The following XKR4 variants were observed in gnomAD, a reference collection of about 807,000 sequenced individuals.
XKR4 encodes the protein XK related 4.
XKR4 carries 12 observed loss-of-function variants against 53.9 expected under a neutral mutation model. The observed-to-expected ratio is 0.22, with a 90% CI of 0.14 to 0.36. XKR4 has a LOEUF of 0.36. XKR4 is among the 10% of genes least tolerant of loss of function. The pLI, the probability that XKR4 is intolerant of heterozygous loss-of-function variation, is 1.00. For synonymous variants in XKR4, 354 were observed against 362.4 expected, an observed-to-expected ratio of 0.98 and a Z score of 0.26; for missense variants, 799 against 859.5, an observed-to-expected ratio of 0.93 and a Z score of 0.88.
Position 55,529,535 on chromosome 8 carries a change from A to G in XKR4, c.*5308A>G, listed in dbSNP as rs971360299. ...GAGCTGTATCTATGTGGTTTCATTTAGTCCTCACTGCCATCTGTGAGTTAA... is the reference window on the plus strand; with the variant it reads ...GAGCTGTATCTATGTGGTTTCATTTGGTCCTCACTGCCATCTGTGAGTTAA... On this transcript the variant is annotated 3_prime_UTR_variant, in exon 3 of 3. Transcript: ENST00000327381. 1 of 152,184 alleles carries G rather than the reference A, an allele frequency of 6.6e-6. No individual in the cohort carries two copies. Among genetic ancestry groups the G allele is most frequent in the Non-Finnish European group, 1.5e-5 (1 of 68,044 alleles). 9.4% of individuals were successfully genotyped at this position (152,184 alleles called of 1,614,324 possible). A position where few individuals can be genotyped will look rare whatever the true frequency, so the allele number is the denominator to read the frequency against.
At chr8:55,151,333 G>C (rs1816837277) in intron 1 of XKR4, among the ~76,000 whole-genome samples, 1 of 152,130 alleles carries the variant, frequency 6.6e-6, no homozygotes, top group Non-Finnish European at 1.5e-5. Flanking sequence ...TGAGGCTATG[G>C]GAAAAACAGC....
intron 2 of XKR4, among the ~76,000 whole-genome samples, chr8:55,446,992 G>A (rs1233059828): frequency 1.3e-5 from 2 of 150,994 alleles, no homozygotes; most frequent in Non-Finnish European, 2.9e-5. Flanking sequence ...CCCTAGAGAA[G>A]TAACTTAGTC....
chr8:55,118,242 T>C (rs931692571), intron 1 of XKR4, among the ~76,000 whole-genome samples: 4 of 152,212 alleles, frequency 2.6e-5, no homozygotes, highest in Admixed American at 1.3e-4. Context: ...ATTATTTCCA[T>C]TGGGAAATGC....
chr8:55,187,711 T>C (rs1263533715), intron 1 of XKR4, among the ~76,000 whole-genome samples: 1 of 152,234 alleles, frequency 6.6e-6, no homozygotes, highest in Non-Finnish European at 1.5e-5. Context: ...AGCTCATTGG[T>C]AATTCTATGT....
intron 2 of XKR4, among the ~76,000 whole-genome samples, chr8:55,442,070 A>C (rs1283121264): frequency 6.6e-6 from 1 of 152,086 alleles, no homozygotes; most frequent in Non-Finnish European, 1.5e-5. Flanking sequence ...TTCTTTGAAA[A>C]TAATAACAAA....
At chr8:55,512,342 C>A (rs935562080) in intron 2 of XKR4, among the ~76,000 whole-genome samples, 1 of 152,198 alleles carries the variant, frequency 6.6e-6, no homozygotes, top group African/African-American at 2.4e-5. Context: ...CAGGATGATA[C>A]CTGAGTCCCT....
intron 1 of XKR4, among the ~76,000 whole-genome samples, chr8:55,246,396 A>G (rs902655881): frequency 2.0e-5 from 3 of 152,196 alleles, no homozygotes; most frequent in East Asian, 1.9e-4. Context: ...TCACCAGTGT[A>G]TCACCAGCCA....
chr8:55,175,151 A>G (rs922720707), intron 1 of XKR4, among the ~76,000 whole-genome samples: 1 of 152,222 alleles, frequency 6.6e-6, no homozygotes, highest in African/African-American at 2.4e-5. Flanking sequence ...ATCATCATTC[A>G]CGTGAGATTT....
chr8:55,405,072 C>A (rs150086093), intron 2 of XKR4, among the ~76,000 whole-genome samples: 16 of 152,304 alleles, frequency 1.1e-4, no homozygotes, highest in African/African-American at 3.1e-4. Flanking sequence ...TTTAGACATT[C>A]TTTTAAAGTG....
rs533961135 is a variant in XKR4, at chr8:55,533,929, T to C, written c.*9702T>C. 1.5e-4 allele frequency: 23 copies of C among 152,208 alleles called. No homozygotes were observed. Among genetic ancestry groups the C allele is most frequent in the African/African-American group, 5.3e-4 (22 of 41,522 alleles). 9.4% of individuals were successfully genotyped at this position (152,208 alleles called of 1,614,324 possible). Reference sequence around the variant, plus strand: ...TATGAATATTCACCTGCTTCATTTGTTTTTTCCAGTAAACGCTGTTTTGAA... The same window carrying C: ...TATGAATATTCACCTGCTTCATTTGCTTTTTCCAGTAAACGCTGTTTTGAA... On this transcript the variant is annotated 3_prime_UTR_variant, in exon 3 of 3. Coordinates refer to ENST00000327381, the MANE Select transcript of XKR4 (RefSeq NM_052898.2).
intron 1 of XKR4, among the ~76,000 whole-genome samples, chr8:55,203,810 T>G (rs1240082931): frequency 1.3e-5 from 2 of 152,170 alleles, no homozygotes; most frequent in Non-Finnish European, 2.9e-5. Flanking sequence ...AAGGGGTTTC[T>G]GGCTCTCGGG....
At chr8:55,465,161 A>T (rs1805738608) in intron 2 of XKR4, among the ~76,000 whole-genome samples, 1 of 152,202 alleles carries the variant, frequency 6.6e-6, no homozygotes, top group African/African-American at 2.4e-5. Context: ...GGAACCAAAA[A>T]GAAGCCTGCA....
chr8:55,541,035 A>C lies in XKR4; in HGVS notation c.*16808A>C, dbSNP rs1027184431. 1.2e-4 allele frequency: 18 copies of C among 152,284 alleles called. No individual in the cohort carries two copies. The highest frequency in any genetic ancestry group is 3.4e-4 in the African/African-American group (14 of 41,550). 9.4% of individuals were successfully genotyped at this position (152,284 alleles called of 1,614,324 possible). ...ATTGCACAATATAAACCTGCTCCCA[A>C]ATGGCAAGGATTTTTGCTACCAATA... On this transcript the variant is annotated 3_prime_UTR_variant, in exon 3 of 3. Transcript: ENST00000327381.
intron 1 of XKR4, chr8:55,135,528 C>T (rs747153753): frequency 4.5e-6 from 2 of 446,044 alleles, no homozygotes; most frequent in African/African-American, 2.0e-5. Flanking sequence ...TCTTTTCCCT[C>T]AGTTGATGAC....
At chr8:55,493,000 G>A (rs1449950499) in intron 2 of XKR4, among the ~76,000 whole-genome samples, 2 of 152,182 alleles carry the variant, frequency 1.3e-5, no homozygotes, top group African/African-American at 4.8e-5. Context: ...CAGGGCAATT[G>A]TAACTATGCC....
chr8:55,390,581 T>C (rs2129388567), intron 2 of XKR4, among the ~76,000 whole-genome samples: 1 of 152,334 alleles, frequency 6.6e-6, no homozygotes. Flanking sequence ...AAGTTTAGAC[T>C]GTGGGCAGCA....
chr8:55,426,268 C>G (rs908491116), intron 2 of XKR4, among the ~76,000 whole-genome samples: 2 of 152,136 alleles, frequency 1.3e-5, no homozygotes, highest in Non-Finnish European at 2.9e-5. Flanking sequence ...CCTTTTCTCC[C>G]CACTGCCTTT....
intron 2 of XKR4, among the ~76,000 whole-genome samples, chr8:55,468,401 G>A (rs952468100): frequency 6.6e-6 from 1 of 151,976 alleles, no homozygotes; most frequent in Non-Finnish European, 1.5e-5. Flanking sequence ...AGAGTATTTA[G>A]TTTTAATCTT....
chr8:55,300,576 T>G (rs963827212), intron 1 of XKR4, among the ~76,000 whole-genome samples: 1 of 151,708 alleles, frequency 6.6e-6, no homozygotes, highest in African/African-American at 2.4e-5. Context: ...GAATAGAAAG[T>G]GAGTCTATGG....
Sources: allele counts gnomAD v4.1 joint callset (sites outside exome capture counted in the v4.1 genomes callset), GRCh38; gene constraint gnomAD v4.1.1; transcripts MANE v1.5; gene names NCBI Gene and HGNC (gene_info 2026-07-23, HGNC 2026-07-21).